Variants in CADPS2 observed in about 807,000 individuals in gnomAD.
CADPS2 encodes the protein calcium dependent secretion activator 2, also known as calcium-dependent secretion activator 2.
In CADPS2, 93 loss-of-function variants were observed where a neutral mutation model predicts 172.5. The observed-to-expected ratio is 0.54, with a 90% CI of 0.46 to 0.64. The LOEUF is 0.64. CADPS2 is among the 30% of genes least tolerant of loss of function. The probability of loss-of-function intolerance (pLI) is 0.00; values close to 1 mark genes in which losing one functional copy is unlikely to be tolerated. For synonymous variants in CADPS2, 546 were observed against 555.2 expected (o/e 0.98, Z 0.23); for missense variants, 1,420 against 1,565.9 (o/e 0.91, Z 1.57).
chr7:122,332,002 G>T (rs1410435018), intron 28 of CADPS2: 1 of 152,156 alleles, frequency 6.6e-6, no homozygotes, highest in South Asian at 2.1e-4. Context: ...ATTAGCATTT[G>T]TGGTCCTTAC....
At chr7:122,349,852 T>C (rs1342504674) in intron 27 of CADPS2, among the ~76,000 whole-genome samples, 1 of 152,192 alleles carries the variant, frequency 6.6e-6, no homozygotes, top group African/African-American at 2.4e-5. Flanking sequence ...TCCCTATTCA[T>C]GGGTAGATGG....
At chr7:122,832,660 C>A (rs1233293121) in intron 1 of CADPS2, among the ~76,000 whole-genome samples, 1 of 152,154 alleles carries the variant, frequency 6.6e-6, no homozygotes, top group Non-Finnish European at 1.5e-5. Context: ...CAAAAGTAAA[C>A]ATCACATATG....
chr7:122,815,828 GAAAGA>G lies in CADPS2; in HGVS notation c.339+70166_339+70170del, dbSNP rs1285004023. Reference sequence around the variant, plus strand: ...TGCTAAAGAATTAACCAAATTAGCAGAAAGAAAAGACAAGGAAGTTCTGCTTTCTC... The same window carrying G: ...TGCTAAAGAATTAACCAAATTAGCAGAAAGACAAGGAAGTTCTGCTTTCTC... On this transcript the variant is annotated intron_variant, in intron 1 of 29. Coordinates refer to ENST00000449022, the MANE Select transcript of CADPS2 (RefSeq NM_017954.11). 2.0e-5 allele frequency among the ~76,000 whole-genome samples: 3 copies of G among 151,974 alleles called. No homozygotes were observed. The East Asian group carries it at 5.8e-4, about 29-fold the overall frequency.
chr7:122,874,930 T>C (rs991433529), intron 1 of CADPS2, among the ~76,000 whole-genome samples: 1 of 152,098 alleles, frequency 6.6e-6, no homozygotes, highest in Non-Finnish European at 1.5e-5. Flanking sequence ...ATAAAAACCC[T>C]AGAAGAAAAC....
intron 17 of CADPS2, 96 bp downstream of exon 17, chr7:122,438,245 G>A: frequency 6.8e-7 from 1 of 1,461,922 alleles, no homozygotes; most frequent in South Asian, 1.2e-5. Flanking sequence ...CATGGCACAG[G>A]ATTGTTCAGG....
chr7:122,431,176 C>T (rs2049861906), intron 17 of CADPS2, among the ~76,000 whole-genome samples: 1 of 152,160 alleles, frequency 6.6e-6, no homozygotes, highest in African/African-American at 2.4e-5. Flanking sequence ...GCCAGCTTGC[C>T]AGTTTATGGA....
In CADPS2 at chr7:122,328,063, G is replaced by T. The variant is rs981444324; in HGVS notation, c.3613-2482C>A. ...AGCAACTTAGCTCAGAATATTTGCT[G>T]CCACTAAGAATAGCCTAACAACAAC... On this transcript the variant is annotated intron_variant, in intron 28 of 29. Transcript: ENST00000449022. 1.3e-4 allele frequency among the ~76,000 whole-genome samples: 19 copies of T among 151,652 alleles called. 1 individual carries two copies. Among genetic ancestry groups the T allele is most frequent in the African/African-American group, 4.6e-4 (19 of 41,306 alleles).
At chr7:122,669,285 C>T (rs1190161398) in intron 2 of CADPS2, among the ~76,000 whole-genome samples, 1 of 151,690 alleles carries the variant, frequency 6.6e-6, no homozygotes, top group African/African-American at 2.4e-5. Context: ...GAGCCATGAT[C>T]ACACCACTGC....
chr7:122,393,834 G>A (rs2044715313), intron 20 of CADPS2, among the ~76,000 whole-genome samples: 1 of 152,122 alleles, frequency 6.6e-6, no homozygotes, highest in South Asian at 2.1e-4. Context: ...CTGGCAGGTG[G>A]TATGTTTTTA....
intron 3 of CADPS2, among the ~76,000 whole-genome samples, chr7:122,636,378 T>G (rs1410894328): frequency 6.6e-6 from 1 of 152,028 alleles, no homozygotes; most frequent in East Asian, 1.9e-4. Flanking sequence ...AGGATATGAA[T>G]TTCATGGTTG....
At chr7:122,431,378 G>A (rs2049885005) in intron 17 of CADPS2, among the ~76,000 whole-genome samples, 1 of 151,986 alleles carries the variant, frequency 6.6e-6, no homozygotes, top group South Asian at 2.1e-4. Flanking sequence ...ACATTGTGTT[G>A]GATTATAATA....
At chr7:122,325,232 C>A (rs1396926435) in intron 29 of CADPS2, among the ~76,000 whole-genome samples, 6 of 152,100 alleles carry the variant, frequency 3.9e-5, no homozygotes, top group African/African-American at 1.4e-4. Flanking sequence ...GGTAACTGTG[C>A]TGGGGCTTTA....
chr7:122,803,522 A>G (rs1025012310), intron 1 of CADPS2, among the ~76,000 whole-genome samples: 3 of 152,188 alleles, frequency 2.0e-5, no homozygotes, highest in African/African-American at 7.2e-5. Flanking sequence ...TATCAGAATC[A>G]CATGAAAATG....
chr7:122,720,505 T>C (rs2090241232), intron 2 of CADPS2, among the ~76,000 whole-genome samples: 1 of 151,136 alleles, frequency 6.6e-6, no homozygotes. Context: ...TGTATATACG[T>C]ATAAGTATAT....
intron 2 of CADPS2, among the ~76,000 whole-genome samples, chr7:122,727,906 G>A (rs2091268230): frequency 6.6e-6 from 1 of 151,930 alleles, no homozygotes; most frequent in East Asian, 1.9e-4. Context: ...AATGTGATCT[G>A]CAGAGCTCAG....
chr7:122,839,017 C>G (rs569268235), intron 1 of CADPS2, among the ~76,000 whole-genome samples: 8 of 152,194 alleles, frequency 5.3e-5, no homozygotes, highest in African/African-American at 1.7e-4. Context: ...CATGCTACCT[C>G]ACTTCAAACC....
rs1344012193 is a variant in CADPS2 at position 122,885,234 on chromosome 7, G to A, written c.339+765C>T. Among the ~76,000 whole-genome samples the A allele has an allele frequency of 2.0e-5, 3 of 152,150 alleles. No homozygotes were observed. In the East Asian group the frequency reaches 5.8e-4, roughly 29 times the overall value. On this transcript the variant is annotated intron_variant, in intron 1 of 29. Coordinates refer to ENST00000449022, the MANE Select transcript of CADPS2 (RefSeq NM_017954.11). ...ACTCAAGTTGGCCAGCCTTTCACCT[G>A]AAACAAACTTCTTACCTTTTGGGGG...
intron 3 of CADPS2, among the ~76,000 whole-genome samples, chr7:122,659,863 C>T (rs995947445): frequency 6.8e-6 from 1 of 146,226 alleles, no homozygotes; most frequent in African/African-American, 2.4e-5. Flanking sequence ...TTTCAGAGCG[C>T]TGAAAGAGAA....
intron 1 of CADPS2, among the ~76,000 whole-genome samples, chr7:122,816,877 G>A (rs1265541552): frequency 1.3e-5 from 2 of 151,546 alleles, no homozygotes; most frequent in East Asian, 1.9e-4. Flanking sequence ...CAAAAGAAGT[G>A]TAAATGGCCG....
Sources: gnomAD v4.1 joint callset for allele counts (sites outside exome capture counted in the v4.1 genomes callset) on GRCh38, gnomAD v4.1.1 for gene constraint, MANE v1.5 for transcripts, NCBI Gene and HGNC (gene_info 2026-07-23, HGNC 2026-07-21) for gene names.